The following FAAH2 variants were observed in gnomAD, a reference collection of about 807,000 sequenced individuals.
FAAH2 encodes fatty acid amide hydrolase 2.
A neutral mutation model predicts 36.9 loss-of-function variants in FAAH2; 60 were observed. The ratio of observed to expected loss-of-function variants is 1.63; its 90% CI spans 1.32 to 2.02. The LOEUF is 2.02. Ranked by LOEUF, FAAH2 falls within the 30% of genes most tolerant of loss-of-function variation. The pLI, the probability that FAAH2 is intolerant of heterozygous loss-of-function variation, is 0.00. For synonymous variants in FAAH2, 214 were observed against 143.8 expected, an observed-to-expected ratio of 1.49 and a Z score of -3.49; for missense variants, 689 against 397.5, an observed-to-expected ratio of 1.73 and a Z score of -6.23.
At chrX:57,161,794 TG>T in the FAAH2 span, among the ~76,000 whole-genome samples, 3 of 111,861 alleles carry the variant, frequency 2.7e-5, no homozygotes, top group Non-Finnish European at 5.6e-5. Context: ...AGCACACTGA[TG>T]GGTCTTGACT....
At chrX:57,317,479 A>G (rs953048868) in intron 3 of FAAH2, among the ~76,000 whole-genome samples, 10 of 112,086 alleles carry the variant, frequency 8.9e-5, no homozygotes, top group East Asian at 2.8e-4. Flanking sequence ...TCCTAAATAT[A>G]TATGTACCCA....
chrX:57,240,436 T>G, the FAAH2 span, among the ~76,000 whole-genome samples: 37 of 111,732 alleles, frequency 3.3e-4, no homozygotes, highest in Non-Finnish European at 5.6e-5. Flanking sequence ...GTGGCAACAA[T>G]ACTCCAATGG....
intron 3 of FAAH2, among the ~76,000 whole-genome samples, chrX:57,311,167 G>A (rs1327333352): frequency 8.9e-6 from 1 of 111,761 alleles, no homozygotes; most frequent in Non-Finnish European, 1.9e-5. Context: ...AGTAAACAAC[G>A]TATTTTTAAA....
intron 10 of FAAH2, among the ~76,000 whole-genome samples, chrX:57,478,891 C>A (rs986852344): frequency 9.9e-5 from 11 of 111,552 alleles, no homozygotes; most frequent in Admixed American, 7.6e-4. Flanking sequence ...GTTACTGTAG[C>A]CTTGTAGTAT....
intron 10 of FAAH2, among the ~76,000 whole-genome samples, chrX:57,471,359 C>A (rs1377530987): frequency 8.9e-6 from 1 of 112,063 alleles, no homozygotes; most frequent in African/African-American, 3.2e-5. Flanking sequence ...ATTGTCTCAA[C>A]CCAAAATCTC....
chrX:57,442,016 A>G (rs1251507716), intron 8 of FAAH2, among the ~76,000 whole-genome samples: 6 of 111,645 alleles, frequency 5.4e-5, no homozygotes, highest in African/African-American at 2.0e-4. Context: ...GCTGAAGAGT[A>G]CTTTACTTCC....
chrX:57,306,943 ATAG>A (rs1318370332), intron 2 of FAAH2, among the ~76,000 whole-genome samples: 1 of 81,525 alleles, frequency 1.2e-5, no homozygotes, highest in Non-Finnish European at 2.4e-5. Flanking sequence ...TATATACTAT[ATAG>A]TACTATATAT....
At position 57,454,805 on chromosome X, in the gene FAAH2, T is replaced by A. The variant is rs186455577; in HGVS notation, c.1423+6087T>A. Among the ~76,000 whole-genome samples the A allele has an allele frequency of 1.7e-3, 195 of 112,021 alleles. 1 individual carries two copies. Among genetic ancestry groups the A allele is most frequent in the African/African-American group, 6.0e-3 (185 of 30,907 alleles). ...AAATCCTTTGAGAAATATGGGATTA[T>A]GTAAAGATACCAAATGTATGACTCA... On this transcript the variant is annotated intron_variant, in intron 10 of 10. Transcript: ENST00000374900.
At chrX:57,131,262 T>G in the FAAH2 span, among the ~76,000 whole-genome samples, 4 of 107,492 alleles carry the variant, frequency 3.7e-5, no homozygotes, top group Non-Finnish European at 7.7e-5. Flanking sequence ...ATTTTTTGTA[T>G]TTTTAGTAGA....
At position 57,352,120 on chromosome X, in the gene FAAH2, GCA is replaced by G. The variant is rs1476677964; in HGVS notation, c.742+10733_742+10734del. Among the ~76,000 whole-genome samples, 2 of 36,508 alleles carry G rather than the reference GCA, an allele frequency of 5.5e-5. 1 individual carries two copies. Among genetic ancestry groups the G allele is most frequent in the Non-Finnish European group, 8.6e-5 (2 of 23,329 alleles). 31.7% of individuals were successfully genotyped at this position (36,508 alleles called of 115,157 possible). On this transcript the variant is annotated intron_variant, in intron 5 of 10. Coordinates refer to ENST00000374900, the MANE Select transcript of FAAH2 (RefSeq NM_174912.4). ...CATATATATATATGTGTATATATAT[GCA>G]CATATATATATATGTGTATATATAT...
intron 10 of FAAH2, among the ~76,000 whole-genome samples, chrX:57,483,171 A>C (rs2057411243): frequency 9.0e-6 from 1 of 111,370 alleles, no homozygotes; most frequent in Admixed American, 9.6e-5. Flanking sequence ...GTTGCTTTAC[A>C]TAATCCCATA....
At position 57,374,345 on chromosome X, in the gene FAAH2, ATGGGACG is replaced by A. The variant is rs573379071; in HGVS notation, c.743-4303_743-4297del. On this transcript the variant is annotated intron_variant, in intron 5 of 10. Transcript: ENST00000374900. ...ATATTGATTCTATCCATCTATCAGG[ATGGGACG>A]TGTTTCCATTTGTTTGTTTCATCTA... Among the ~76,000 whole-genome samples, 16 of 111,859 alleles carry A rather than the reference ATGGGACG, an allele frequency of 1.4e-4. No individual in the cohort carries two copies. In the South Asian group the frequency reaches 5.9e-3, roughly 41 times the overall value.
the FAAH2 span, among the ~76,000 whole-genome samples, chrX:57,137,816 A>G: frequency 6.3e-5 from 7 of 111,821 alleles, no homozygotes; most frequent in African/African-American, 2.3e-4. Context: ...TACCATGTGT[A>G]TACATTTATG....
chrX:57,435,110 C>G (rs2056382808), intron 8 of FAAH2, among the ~76,000 whole-genome samples: 1 of 111,586 alleles, frequency 9.0e-6, no homozygotes, highest in South Asian at 3.7e-4. Flanking sequence ...AGACTTAAAA[C>G]AAATGCTCAA....
chrX:57,214,054 A>G, the FAAH2 span, among the ~76,000 whole-genome samples: 2 of 111,336 alleles, frequency 1.8e-5, no homozygotes, highest in South Asian at 7.4e-4. Flanking sequence ...TTATTATATA[A>G]TTGTGTTATT....
chrX:57,333,099 A>C (rs934966969), intron 4 of FAAH2, among the ~76,000 whole-genome samples: 34 of 111,869 alleles, frequency 3.0e-4, no homozygotes, highest in Non-Finnish European at 1.9e-5. Context: ...TTATCACTAC[A>C]CAAATAGGGA....
intron 10 of FAAH2, among the ~76,000 whole-genome samples, chrX:57,469,146 G>A (rs1442009801): frequency 1.8e-5 from 2 of 111,957 alleles, no homozygotes; most frequent in Non-Finnish European, 3.8e-5. Context: ...GCAAAAACAT[G>A]CCAAATTGTA....
At chrX:57,162,548 C>A in the FAAH2 span, among the ~76,000 whole-genome samples, 10 of 111,575 alleles carry the variant, frequency 9.0e-5, no homozygotes, top group African/African-American at 2.9e-4. Flanking sequence ...TTCTTGGAGG[C>A]TTTGCTCATT....
At chrX:57,357,450 A>T (rs1208330414) in intron 5 of FAAH2, among the ~76,000 whole-genome samples, 1 of 112,044 alleles carries the variant, frequency 8.9e-6, no homozygotes, top group Non-Finnish European at 1.9e-5. Context: ...CAAAGGGCTA[A>T]TATCCAGAAT....
Sources: allele counts gnomAD v4.1 joint callset (sites outside exome capture counted in the v4.1 genomes callset), GRCh38; gene constraint gnomAD v4.1.1; transcripts MANE v1.5; gene names NCBI Gene and HGNC (gene_info 2026-07-23, HGNC 2026-07-21).